The following DKK2 variants were observed in gnomAD, a reference collection of about 807,000 sequenced individuals.
DKK2 encodes the protein dickkopf-related protein 2.
Under a neutral mutation model 28.1 loss-of-function variants are expected in DKK2, and 11 were observed. The observed-to-expected ratio is 0.39, with a 90% confidence interval of 0.25 to 0.65. The LOEUF (loss-of-function observed/expected upper bound fraction) is 0.65. Ranked by LOEUF, DKK2 falls within the 30% of genes least tolerant of loss-of-function variation. The pLI is 0.47. For synonymous variants in DKK2, 135 were observed against 126.5 expected (o/e 1.07, Z -0.45); for missense variants, 326 against 335.5 (o/e 0.97, Z 0.22).
At chr4:106,987,723 C>A (rs749385348) in intron 1 of DKK2, among the ~76,000 whole-genome samples, 1 of 151,660 alleles carries the variant, frequency 6.6e-6, no homozygotes, top group African/African-American at 2.4e-5. Context: ...GGCTTCATAC[C>A]TTCTGAGGCC....
intron 1 of DKK2, among the ~76,000 whole-genome samples, chr4:106,968,072 G>A (rs539187829): frequency 3.3e-4 from 50 of 149,860 alleles, no homozygotes; most frequent in African/African-American, 1.2e-3. Context: ...GAAAGGGGGA[G>A]AGAAAGGAAG....
chr4:106,950,386 A>G (rs1724841520), intron 1 of DKK2, among the ~76,000 whole-genome samples: 1 of 152,104 alleles, frequency 6.6e-6, no homozygotes, highest in East Asian at 1.9e-4. Context: ...CTCTATTCCA[A>G]GATATCCACC....
chr4:106,954,566 G>C (rs2110347857), intron 1 of DKK2, among the ~76,000 whole-genome samples: 1 of 152,142 alleles, frequency 6.6e-6, no homozygotes, highest in East Asian at 1.9e-4. Context: ...CTGTCACCCA[G>C]GCTGGAGTGC....
chr4:107,008,710 C>T (rs1347682397), intron 1 of DKK2, among the ~76,000 whole-genome samples: 1 of 151,846 alleles, frequency 6.6e-6, no homozygotes, highest in Non-Finnish European at 1.5e-5. Context: ...CACAGGGATA[C>T]CTAAACAGAC....
At position 106,996,987 on chromosome 4, in the gene DKK2, C is replaced by T. The variant is rs1049950914; in HGVS notation, c.222+38383G>A. 3.3e-5 allele frequency among the ~76,000 whole-genome samples: 5 copies of T among 152,108 alleles called. 1 individual carries two copies. The highest frequency in any genetic ancestry group is 2.0e-4 in the Admixed American group (3 of 15,272). On this transcript the variant is annotated intron_variant, in intron 1 of 3. Transcript: ENST00000285311. The stretch of plus-strand genomic sequence containing the variant: ...AAAAGTAGAAAGAAAAAAAGCAACT[C>T]TCAAATGTTAAGGATTACCTCCAAA...
At chr4:107,017,750 T>C (rs1183994818) in intron 1 of DKK2, among the ~76,000 whole-genome samples, 2 of 150,488 alleles carry the variant, frequency 1.3e-5, no homozygotes, top group African/African-American at 5.0e-5. Flanking sequence ...ATTTCTTCTT[T>C]ATTGCCTATA....
chr4:107,018,346 A>G (rs1723642332), intron 1 of DKK2, among the ~76,000 whole-genome samples: 1 of 152,062 alleles, frequency 6.6e-6, no homozygotes, highest in South Asian at 2.1e-4. Flanking sequence ...TGCTCAGCAC[A>G]TGAAATGCCA....
chr4:106,934,240 A>C (rs780461659), intron 1 of DKK2, among the ~76,000 whole-genome samples: 83 of 152,186 alleles, frequency 5.5e-4, no homozygotes, highest in Non-Finnish European at 1.0e-3. Flanking sequence ...AACATTTTGT[A>C]ATCTGCACTA....
At chr4:106,996,450 T>A (rs1443141004) in intron 1 of DKK2, among the ~76,000 whole-genome samples, 5 of 152,208 alleles carry the variant, frequency 3.3e-5, no homozygotes, top group Non-Finnish European at 7.3e-5. Flanking sequence ...AAGTTCTTTT[T>A]GAGCCTCGAG....
chr4:106,949,291 C>A (rs1724824617), intron 1 of DKK2, among the ~76,000 whole-genome samples: 1 of 152,112 alleles, frequency 6.6e-6, no homozygotes, highest in East Asian at 1.9e-4. Context: ...GGACTAAATG[C>A]AACACCAGGA....
At chr4:106,936,975 A>G (rs1724599503) in intron 1 of DKK2, among the ~76,000 whole-genome samples, 1 of 152,098 alleles carries the variant, frequency 6.6e-6, no homozygotes, top group Non-Finnish European at 1.5e-5. Context: ...AGCGCTAAAC[A>G]TGGAAAGGAA....
At chr4:106,987,723 C>T (rs749385348) in intron 1 of DKK2, among the ~76,000 whole-genome samples, 1 of 151,660 alleles carries the variant, frequency 6.6e-6, no homozygotes, top group Non-Finnish European at 1.5e-5. Flanking sequence ...GGCTTCATAC[C>T]TTCTGAGGCC....
intron 1 of DKK2, among the ~76,000 whole-genome samples, chr4:106,997,262 C>T (rs1322664866): frequency 6.6e-6 from 1 of 152,048 alleles, no homozygotes; most frequent in Non-Finnish European, 1.5e-5. Context: ...TAACACAGAA[C>T]CTGACACGTA....
At chr4:106,929,293 A>C (rs1460878711) in intron 1 of DKK2, among the ~76,000 whole-genome samples, 1 of 152,196 alleles carries the variant, frequency 6.6e-6, no homozygotes, top group African/African-American at 2.4e-5. Flanking sequence ...CCTGGAACAG[A>C]CTAGATAACT....
chr4:106,925,430 AC>A (rs1724410981), intron 2 of DKK2, among the ~76,000 whole-genome samples: 1 of 152,194 alleles, frequency 6.6e-6, no homozygotes, highest in South Asian at 2.1e-4. Flanking sequence ...TCTTGACTAA[AC>A]CCAAAGCACA....
chr4:106,963,205 TA>T (rs1722718976), intron 1 of DKK2, among the ~76,000 whole-genome samples: 1 of 151,308 alleles, frequency 6.6e-6, no homozygotes, highest in Non-Finnish European at 1.5e-5. Context: ...ATACAAAAAT[TA>T]GCTGGGCGTG....
chr4:106,971,000 G>C (rs190869774), intron 1 of DKK2, among the ~76,000 whole-genome samples: 3 of 152,040 alleles, frequency 2.0e-5, no homozygotes, highest in African/African-American at 7.2e-5. Context: ...TACCAAATTA[G>C]GTTTTGCTTT....
intron 1 of DKK2, among the ~76,000 whole-genome samples, chr4:107,024,525 A>G (rs776405645): frequency 6.6e-6 from 1 of 152,216 alleles, no homozygotes; most frequent in Non-Finnish European, 1.5e-5. Context: ...GTAATCCATC[A>G]AAACAGAAAC....
At position 106,969,103 on chromosome 4, in the gene DKK2, C is replaced by CT. The variant is rs927183384; in HGVS notation, c.223-43155dup. Reference sequence around the variant, plus strand: ...TCCTGAAGAATGAAGTTGATTTATGCTTTTTTTTTTCTAATTTAGGAATCA... The same window carrying CT: ...TCCTGAAGAATGAAGTTGATTTATGCTTTTTTTTTTTCTAATTTAGGAATCA... On this transcript the variant is annotated intron_variant, in intron 1 of 3. Coordinates refer to ENST00000285311, the MANE Select transcript of DKK2 (RefSeq NM_014421.3). Among the ~76,000 whole-genome samples the CT allele has an allele frequency of 3.9e-3, 583 of 149,232 alleles. 6 individuals are homozygous for CT. Among genetic ancestry groups the CT allele is most frequent in the African/African-American group, 0.013 (543 of 40,706 alleles).
Sources: gnomAD v4.1 joint callset for allele counts (sites outside exome capture counted in the v4.1 genomes callset) on GRCh38, gnomAD v4.1.1 for gene constraint, MANE v1.5 for transcripts, NCBI Gene and HGNC (gene_info 2026-07-23, HGNC 2026-07-21) for gene names.